Variants in BTBD9 observed in about 807,000 individuals in gnomAD.
The protein encoded by BTBD9 is BTB domain containing 9.
Under a neutral mutation model 64.3 loss-of-function variants are expected in BTBD9, and 49 were observed. The observed-to-expected ratio is 0.76, with a 90% CI of 0.61 to 0.97. BTBD9 has a LOEUF of 0.97. Ranked by LOEUF, BTBD9 falls within the 50% of genes least tolerant of loss-of-function variation. The pLI is 0.00. For missense variants in BTBD9, 598 were observed against 762.1 expected, an observed-to-expected ratio of 0.78 and a Z score of 2.53; for synonymous variants, 260 against 274.7, an observed-to-expected ratio of 0.95 and a Z score of 0.53.
chr6:38,617,069 CA>C (rs1267809223), intron 1 of BTBD9, among the ~76,000 whole-genome samples: 3 of 152,164 alleles, frequency 2.0e-5, no homozygotes, highest in Admixed American at 6.5e-5. Flanking sequence ...ACCTGTCAGC[CA>C]GTTAAAAGTG....
chr6:38,515,547 A>AT (rs1285889155), intron 6 of BTBD9, among the ~76,000 whole-genome samples: 1 of 152,306 alleles, frequency 6.6e-6, no homozygotes, highest in South Asian at 2.1e-4. Flanking sequence ...AAGAAGTGTT[A>AT]TTTTCTTACT....
chr6:38,178,745 G>C (rs1289090252), intron 10 of BTBD9, among the ~76,000 whole-genome samples: 1 of 151,116 alleles, frequency 6.6e-6, no homozygotes, highest in Non-Finnish European at 1.5e-5. Context: ...GCAGCAGGGT[G>C]TGGGGGGGAG....
chr6:38,522,369 T>G (rs201704072), intron 6 of BTBD9, among the ~76,000 whole-genome samples: 3 of 64,772 alleles, frequency 4.6e-5, no homozygotes, highest in African/African-American at 1.3e-4. Flanking sequence ...AAAGTCCCTA[T>G]ACTCTACTGA....
At chr6:38,378,942 G>A (rs1765807679) in intron 6 of BTBD9, among the ~76,000 whole-genome samples, 1 of 152,026 alleles carries the variant, frequency 6.6e-6, no homozygotes, top group African/African-American at 2.4e-5. Context: ...CCAGGGATGA[G>A]TAAGACTTAG....
intron 6 of BTBD9, among the ~76,000 whole-genome samples, chr6:38,372,403 T>C (rs573250559): frequency 1.3e-5 from 2 of 152,132 alleles, no homozygotes; most frequent in Non-Finnish European, 2.9e-5. Context: ...AGTTGGGGTT[T>C]TAGTGGGTTG....
At position 38,444,761 on chromosome 6, in the gene BTBD9, G is replaced by A. The variant is rs148155497; in HGVS notation, c.1155-99668C>T. ...ATTATTACTTGGTTTTATATTAAGT[G>A]TATGCCACAATTTAAATGTTAAAAC... is the stretch of plus-strand genomic sequence containing the variant. On this transcript the variant is annotated intron_variant, in intron 6 of 10. Transcript: ENST00000481247. Among the ~76,000 whole-genome samples the A allele has an allele frequency of 7.9e-3, 1,201 of 152,288 alleles. 12 individuals are homozygous for A. Among genetic ancestry groups the A allele is most frequent in the Non-Finnish European group, 0.011 (742 of 68,032 alleles).
At chr6:38,516,256 G>T (rs1773017491) in intron 6 of BTBD9, among the ~76,000 whole-genome samples, 1 of 151,794 alleles carries the variant, frequency 6.6e-6, no homozygotes, top group African/African-American at 2.4e-5. Context: ...TATGTTACAT[G>T]AAATAAATAA....
chr6:38,384,348 G>A (rs1766063728), intron 6 of BTBD9, among the ~76,000 whole-genome samples: 1 of 152,104 alleles, frequency 6.6e-6, no homozygotes, highest in Admixed American at 6.6e-5. Context: ...TCACTGAGTA[G>A]GTTTTACCTG....
At position 38,170,698 on chromosome 6, in the gene BTBD9, T is replaced by C. The variant is rs2127465036; in HGVS notation, c.*4287A>G. ...CCAGGCACTAGGACAACTTCTAATT[T>C]AATATTATAATAATAAAAGCCACGG... is the stretch of plus-strand genomic sequence containing the variant. On this transcript the variant is annotated 3_prime_UTR_variant, in exon 11 of 11. Transcript: ENST00000481247. 6.6e-6 allele frequency: 1 copy of C among 152,288 alleles called. No homozygotes were observed. Among genetic ancestry groups the C allele is most frequent in the Non-Finnish European group, 1.5e-5 (1 of 68,012 alleles). The allele number at this position is 152,288 out of a possible 1,614,324, so 9.4% of individuals were successfully genotyped here. A position where few individuals can be genotyped will look rare whatever the true frequency, so the allele number is the denominator to read the frequency against.
chr6:38,595,221 G>T (rs1322191356), intron 2 of BTBD9, among the ~76,000 whole-genome samples: 2 of 152,164 alleles, frequency 1.3e-5, no homozygotes, highest in South Asian at 2.1e-4. Flanking sequence ...AAAATCAGAA[G>T]AAATTCATAT....
chr6:38,425,573 G>A (rs1768107322), intron 6 of BTBD9, among the ~76,000 whole-genome samples: 1 of 151,762 alleles, frequency 6.6e-6, no homozygotes, highest in Non-Finnish European at 1.5e-5. Flanking sequence ...GAATAGGAGA[G>A]GGAGTTCTAG....
At chr6:38,212,764 A>G (rs1162645327) in intron 9 of BTBD9, among the ~76,000 whole-genome samples, 1 of 151,938 alleles carries the variant, frequency 6.6e-6, no homozygotes, top group Non-Finnish European at 1.5e-5. Flanking sequence ...GCCTGTGAGG[A>G]GGGCAGGTGA....
chr6:38,343,524 T>C (rs902558776), intron 7 of BTBD9, among the ~76,000 whole-genome samples: 1 of 152,124 alleles, frequency 6.6e-6, no homozygotes, highest in African/African-American at 2.4e-5. Flanking sequence ...CACAGTCAGA[T>C]ATACAGTGAG....
chr6:38,345,572 A>G (rs1026329319), intron 6 of BTBD9, among the ~76,000 whole-genome samples: 4 of 152,246 alleles, frequency 2.6e-5, no homozygotes, highest in Non-Finnish European at 5.9e-5. Context: ...AAAAGAAAAA[A>G]TCCAGAAACT....
chr6:38,453,564 T>A (rs1769652578), intron 6 of BTBD9, among the ~76,000 whole-genome samples: 1 of 152,196 alleles, frequency 6.6e-6, no homozygotes, highest in South Asian at 2.1e-4. Context: ...TTTGGTTTTA[T>A]CACTTTTAAA....
At chr6:38,296,747 T>C (rs953548935) in intron 7 of BTBD9, among the ~76,000 whole-genome samples, 9 of 152,202 alleles carry the variant, frequency 5.9e-5, no homozygotes, top group Admixed American at 5.2e-4. Context: ...TCCTTTATCA[T>C]TTTTCCTTTG....
chr6:38,594,308 T>G lies in BTBD9; in HGVS notation c.205A>C (p.Met69Leu). The G allele has an allele frequency of 6.2e-7, 1 of 1,612,848 alleles. No individual in the cohort carries two copies. Among genetic ancestry groups the G allele is most frequent in the South Asian group, 1.1e-5 (1 of 90,936 alleles). Residue 69 changes from methionine to leucine, a missense_variant, in exon 3 of 11, where the codon ATG (methionine) becomes CTG (leucine). Transcript: ENST00000481247. Reference protein sequence around the residue: ...QYFRALLYGGMRESQPEAEIP... With the variant: ...QYFRALLYGGLRESQPEAEIP... ...TCTGCTTCAGGCTGAGACTCTCGCA[T>G]TCCACCATATAATAATGCTCTGCAC...
chr6:38,526,975 T>C (rs1382431762), intron 6 of BTBD9, among the ~76,000 whole-genome samples: 2 of 151,912 alleles, frequency 1.3e-5, no homozygotes, highest in East Asian at 3.9e-4. Flanking sequence ...GCATGATTGG[T>C]TTTGAAATGT....
intron 9 of BTBD9, among the ~76,000 whole-genome samples, chr6:38,225,874 T>C (rs189981718): frequency 4.8e-4 from 73 of 152,312 alleles, no homozygotes; most frequent in Admixed American, 1.8e-3. Flanking sequence ...ATTACTTTCA[T>C]TGCATCAATT....
Sources: allele counts gnomAD v4.1 joint callset (sites outside exome capture counted in the v4.1 genomes callset), GRCh38; gene constraint gnomAD v4.1.1; transcripts MANE v1.5; gene names NCBI Gene and HGNC (gene_info 2026-07-23, HGNC 2026-07-21).